The following KCNIP1 variants were observed in gnomAD, a reference collection of about 807,000 sequenced individuals.
The protein encoded by KCNIP1 is potassium voltage-gated channel interacting protein 1, also known as A-type potassium channel modulatory protein KCNIP1.
KCNIP1 carries 18 observed loss-of-function variants against 33.0 expected under a neutral mutation model. The observed-to-expected ratio is 0.55, with a 90% CI of 0.38 to 0.81. The LOEUF is 0.81. Among genes scored for constraint, KCNIP1 ranks in the 30% least tolerant of loss-of-function variants. The pLI is 0.00. For synonymous variants in KCNIP1, 93 were observed against 98.3 expected, an observed-to-expected ratio of 0.95 and a Z score of 0.32; for missense variants, 238 against 271.6, an observed-to-expected ratio of 0.88 and a Z score of 0.87.
At chr5:170,667,941 A>G (rs1212483285) in intron 1 of KCNIP1, among the ~76,000 whole-genome samples, 1 of 152,338 alleles carries the variant, frequency 6.6e-6, no homozygotes, top group African/African-American at 2.4e-5. Flanking sequence ...ATGTAACTGA[A>G]CTTCAACATT....
At chr5:170,493,066 G>T (rs1383259023) in intron 1 of KCNIP1, among the ~76,000 whole-genome samples, 2 of 152,178 alleles carry the variant, frequency 1.3e-5, no homozygotes, top group Non-Finnish European at 2.9e-5. Context: ...TGACACCACA[G>T]ATGGGCACAG....
At chr5:170,620,725 C>G (rs1444491822) in intron 1 of KCNIP1, among the ~76,000 whole-genome samples, 1 of 152,224 alleles carries the variant, frequency 6.6e-6, no homozygotes, top group Non-Finnish European at 1.5e-5. Context: ...GGGTATTCAA[C>G]CCTCCTAAAC....
intron 1 of KCNIP1, among the ~76,000 whole-genome samples, chr5:170,633,481 C>A (rs1167287253): frequency 6.7e-6 from 1 of 150,294 alleles, no homozygotes; most frequent in Non-Finnish European, 1.5e-5. Flanking sequence ...GAAGAAGAAT[C>A]AGCCAGTGCA....
At chr5:170,510,375 G>C (rs1052775919) in intron 1 of KCNIP1, among the ~76,000 whole-genome samples, 2 of 152,214 alleles carry the variant, frequency 1.3e-5, no homozygotes, top group Non-Finnish European at 2.9e-5. Flanking sequence ...TGGAGGTAAG[G>C]ATGGATGGGC....
intron 1 of KCNIP1, chr5:170,354,063 G>C: frequency 8.8e-7 from 1 of 1,142,068 alleles, no homozygotes; most frequent in Non-Finnish European, 1.3e-6. Flanking sequence ...GTGCACCCAG[G>C]TCTTGGAAAA....
intron 1 of KCNIP1, among the ~76,000 whole-genome samples, chr5:170,637,200 T>C (rs1030204804): frequency 1.3e-5 from 2 of 152,024 alleles, no homozygotes; most frequent in African/African-American, 4.8e-5. Context: ...CCCAGCCCCT[T>C]AGAGTCCCAC....
chr5:170,604,263 C>G (rs1412642784), intron 1 of KCNIP1, among the ~76,000 whole-genome samples: 1 of 152,076 alleles, frequency 6.6e-6, no homozygotes, highest in Non-Finnish European at 1.5e-5. Flanking sequence ...TGACTGAAAC[C>G]CAGCTGAAAT....
chr5:170,412,446 T>C (rs887637988), intron 1 of KCNIP1, among the ~76,000 whole-genome samples: 1 of 152,156 alleles, frequency 6.6e-6, no homozygotes, highest in Non-Finnish European at 1.5e-5. Context: ...TTGGGGAGAT[T>C]GATCTGGCCC....
chr5:170,538,326 A>G (rs968977746), intron 1 of KCNIP1, among the ~76,000 whole-genome samples: 4 of 152,156 alleles, frequency 2.6e-5, no homozygotes, highest in African/African-American at 4.8e-5. Context: ...TCAGCCCCAC[A>G]TGGCCTGACA....
intron 1 of KCNIP1, chr5:170,561,196 C>T (rs142031686): frequency 1.7e-3 from 760 of 444,078 alleles, no homozygotes; most frequent in Admixed American, 3.3e-3. Flanking sequence ...TTTAATGTGG[C>T]GCACTGACAT....
intron 1 of KCNIP1, among the ~76,000 whole-genome samples, chr5:170,364,960 T>A (rs1001906967): frequency 2.6e-5 from 4 of 152,188 alleles, no homozygotes; most frequent in Non-Finnish European, 5.9e-5. Context: ...AACTACAGTC[T>A]CCTTGCTGTG....
chr5:170,693,546 C>T (rs1456908198), intron 1 of KCNIP1, among the ~76,000 whole-genome samples: 2 of 152,148 alleles, frequency 1.3e-5, no homozygotes, highest in Non-Finnish European at 2.9e-5. Flanking sequence ...GTATGAGAGC[C>T]AAGCCATTCA....
intron 1 of KCNIP1, among the ~76,000 whole-genome samples, chr5:170,423,167 A>G (rs1296749010): frequency 6.6e-6 from 1 of 152,242 alleles, no homozygotes; most frequent in Non-Finnish European, 1.5e-5. Flanking sequence ...CTGACTTTTT[A>G]TAGATAGGGA....
chr5:170,592,255 T>C (rs1375417016), intron 1 of KCNIP1, among the ~76,000 whole-genome samples: 1 of 152,214 alleles, frequency 6.6e-6, no homozygotes, highest in Non-Finnish European at 1.5e-5. Flanking sequence ...ATGTTCTTAC[T>C]GACCTTTTAT....
At chr5:170,490,248 C>T (rs1757178895) in intron 1 of KCNIP1, among the ~76,000 whole-genome samples, 1 of 152,222 alleles carries the variant, frequency 6.6e-6, no homozygotes, top group Non-Finnish European at 1.5e-5. Context: ...TGTTCTAAGG[C>T]CTCTGGGACA....
At chr5:170,715,312 A>G (rs189591383) in intron 1 of KCNIP1, among the ~76,000 whole-genome samples, 3 of 152,226 alleles carry the variant, frequency 2.0e-5, no homozygotes, top group Non-Finnish European at 4.4e-5. Flanking sequence ...AAACTGCCTA[A>G]CAACACATTT....
Position 170,504,031 on chromosome 5 carries a change from C to G in KCNIP1, c.-542C>G, listed in dbSNP as rs896003295. 1.0e-5 allele frequency: 10 copies of G among 984,200 alleles called. No individual in the cohort carries two copies. Among genetic ancestry groups the G allele is most frequent in the East Asian group, 1.1e-4 (1 of 8,790 alleles). The allele number at this position is 984,200 out of a possible 1,614,324, so 61.0% of individuals were successfully genotyped here. On this transcript the variant is annotated 5_prime_UTR_variant, in exon 1 of 8. Coordinates refer to ENST00000328939, the MANE Select transcript of KCNIP1 (RefSeq NM_014592.4). The surrounding 1 kb of genome is among the most constrained non-coding windows in gnomAD (Gnocchi z 6.0). The stretch of plus-strand genomic sequence containing the variant: ...CCCTCCGCCGCTCCGACTCTCGCCC[C>G]GAGCGCTGGCAGCAGGCAGCAGGCA...
At chr5:170,555,483 A>C (rs1408562297) in intron 1 of KCNIP1, among the ~76,000 whole-genome samples, 1 of 152,194 alleles carries the variant, frequency 6.6e-6, no homozygotes, top group Non-Finnish European at 1.5e-5. Context: ...GCTGTAAGTG[A>C]GGAAGCTGCA....
intron 1 of KCNIP1, among the ~76,000 whole-genome samples, chr5:170,531,363 C>T (rs1004906035): frequency 2.0e-5 from 3 of 152,110 alleles, no homozygotes; most frequent in South Asian, 2.1e-4. Context: ...TTTCCAATAC[C>T]CTTCTCCACT....
Sources: allele counts gnomAD v4.1 joint callset (sites outside exome capture counted in the v4.1 genomes callset), GRCh38; gene constraint gnomAD v4.1.1; non-coding constraint Gnocchi (gnomAD v3.1); transcripts MANE v1.5; gene names NCBI Gene and HGNC (gene_info 2026-07-23, HGNC 2026-07-21).